EFCAB7: variants seen among roughly 807,000 people sequenced by gnomAD.
EFCAB7 encodes EF-hand calcium binding domain 7.
EFCAB7 carries 66 observed loss-of-function variants against 77.1 expected under a neutral mutation model. The observed-to-expected ratio is 0.86, with a 90% CI of 0.70 to 1.05. EFCAB7 has a LOEUF of 1.05. Ranked by LOEUF, EFCAB7 falls within the 50% of genes least tolerant of loss-of-function variation. The pLI is 0.00. For missense variants in EFCAB7, 638 were observed against 730.5 expected (o/e 0.87, Z 1.46); for synonymous variants, 225 against 243.3 (o/e 0.92, Z 0.70).
At position 63,532,650 on chromosome 1, in the gene EFCAB7, A is replaced by G. The variant is rs772042625; in HGVS notation, c.400-20A>G. On this transcript the variant is annotated intron_variant, in intron 3 of 13. Coordinates refer to ENST00000371088, the MANE Select transcript of EFCAB7 (RefSeq NM_032437.4). ...GAGTAATCATGTTGCTTTAAAATAA[A>G]TCTTGTTTTTTTTTTTCAGAGAGGT... The G allele has an allele frequency of 9.6e-6, 15 of 1,568,036 alleles. No individual in the cohort carries two copies. The African/African-American group carries it at 1.9e-4, about 20-fold the overall frequency.
chr1:63,584,195 A>T, the EFCAB7 span, among the ~76,000 whole-genome samples: 1 of 152,226 alleles, frequency 6.6e-6, no homozygotes, highest in African/African-American at 2.4e-5. Flanking sequence ...TAAAGCAAAC[A>T]GTGGAAGATG....
chr1:63,528,449 G>A (rs1311602365), intron 2 of EFCAB7, among the ~76,000 whole-genome samples: 1 of 151,990 alleles, frequency 6.6e-6, no homozygotes, highest in Admixed American at 6.6e-5. Flanking sequence ...GGTAGTGGGG[G>A]TAGGGGGAGA....
downstream of EFCAB7, among the ~76,000 whole-genome samples, chr1:63,575,232 T>A (rs560054637): frequency 1.3e-5 from 2 of 152,200 alleles, no homozygotes; most frequent in South Asian, 4.1e-4. Context: ...TATATATATA[T>A]GAGTCATGAC....
chr1:63,560,144 G>T lies in EFCAB7; in HGVS notation c.1349-1565G>T, dbSNP rs571192391. On this transcript the variant is annotated intron_variant, in intron 10 of 13. Transcript: ENST00000371088. ...ATTTTTTGTATTTTTAGTAGAGATG[G>T]GGTTTCACCATGTTAACCAGGATGG... 5.3e-5 allele frequency among the ~76,000 whole-genome samples: 8 copies of T among 152,048 alleles called. No individual in the cohort carries two copies. In the South Asian group the frequency reaches 1.7e-3, roughly 32 times the overall value.
downstream of EFCAB7, among the ~76,000 whole-genome samples, chr1:63,574,895 C>T (rs554101485): frequency 6.6e-6 from 1 of 151,966 alleles, no homozygotes; most frequent in African/African-American, 2.4e-5. Flanking sequence ...GGTAGTGGAG[C>T]GGGGCAGAAA....
chr1:63,526,461 A>C, intron 2 of EFCAB7, among the ~76,000 whole-genome samples: 1 of 152,176 alleles, frequency 6.6e-6, no homozygotes, highest in East Asian at 1.9e-4. Flanking sequence ...CCAATTTTAT[A>C]ATGAATTTTC....
chr1:63,575,303 CTT>C (rs919483642), downstream of EFCAB7, among the ~76,000 whole-genome samples: 1 of 151,324 alleles, frequency 6.6e-6, no homozygotes, highest in African/African-American at 2.4e-5. Context: ...TTGGGGTAGA[CTT>C]TTTTTTAAAA....
At chr1:63,571,000 T>C in intron 12 of EFCAB7, 21 bp from the exon 13 acceptor site, 2 of 1,532,010 alleles carry the variant, frequency 1.3e-6, no homozygotes, top group Non-Finnish European at 1.8e-6. Flanking sequence ...AATAGCAGCT[T>C]ATGAAATCTT....
In EFCAB7 at chr1:63,532,708, A is replaced by T. The variant is rs1406100064; in HGVS notation, c.438A>T (p.Ile146=). Residue 146 remains isoleucine (I), a synonymous_variant, in exon 4 of 14, where the codon ATA becomes ATT. Transcript: ENST00000371088. ...TGACTCGAGAAGAAGTAAATGCCAT[A>T]ATAAATTTGGCTGATGTAAATGCTG... ...EKMTREEVNA[I]INLADVNADG... 1 of 1,605,104 alleles carries T rather than the reference A, an allele frequency of 6.2e-7. No homozygotes were observed. The highest frequency in any genetic ancestry group is 8.5e-7 in the Non-Finnish European group (1 of 1,176,698).
the EFCAB7 span, among the ~76,000 whole-genome samples, chr1:63,583,749 A>G: frequency 6.6e-6 from 1 of 152,162 alleles, no homozygotes; most frequent in Admixed American, 6.5e-5. Context: ...GATTAAAACA[A>G]CAATAACAAA....
chr1:63,567,543 G>A (rs949070928), intron 11 of EFCAB7, among the ~76,000 whole-genome samples: 2 of 152,082 alleles, frequency 1.3e-5, no homozygotes, highest in Non-Finnish European at 2.9e-5. Context: ...AGGGAGATTG[G>A]GGGGCCAGAG....
intron 13 of EFCAB7, among the ~76,000 whole-genome samples, chr1:63,571,719 C>T (rs1647266229): frequency 7.1e-6 from 1 of 141,554 alleles, no homozygotes; most frequent in Admixed American, 7.0e-5. Context: ...GTTTTATGTA[C>T]TTCACAAAGT....
intron 11 of EFCAB7, among the ~76,000 whole-genome samples, chr1:63,562,813 T>C (rs1647125550): frequency 6.6e-6 from 1 of 152,056 alleles, no homozygotes; most frequent in Non-Finnish European, 1.5e-5. Flanking sequence ...TTGTTTATAC[T>C]CTTAAAATTA....
At chr1:63,552,327 C>T (rs1224745602) in intron 8 of EFCAB7, among the ~76,000 whole-genome samples, 1 of 152,114 alleles carries the variant, frequency 6.6e-6, no homozygotes, top group East Asian at 1.9e-4. Context: ...TTACTTTCAT[C>T]TTTTCTAAAT....
Position 63,545,956 on chromosome 1 carries a change from A to G in EFCAB7, c.845A>G (p.Glu282Gly). Reference sequence around the variant, plus strand: ...CAATCAAAAGGTTGCTTCTTCTTAGAAGAAGATGGTGAAATCATTAGTCAT... The same window carrying G: ...CAATCAAAAGGTTGCTTCTTCTTAGGAGAAGATGGTGAAATCATTAGTCAT... ...HMQSKGCFFL[E>G]EDGEIISHQY... The change falls in exon 7 of 14, where the codon GAA (glutamate) becomes GGA (glycine). Residue 282 changes from glutamate (E) to glycine (G), a missense_variant. Coordinates refer to ENST00000371088, the MANE Select transcript of EFCAB7 (RefSeq NM_032437.4). The G allele has an allele frequency of 6.2e-7, 1 of 1,613,868 alleles. No individual in the cohort carries two copies. Among genetic ancestry groups the G allele is most frequent in the Non-Finnish European group, 8.5e-7 (1 of 1,179,872 alleles).
chr1:63,582,467 TG>T, the EFCAB7 span, among the ~76,000 whole-genome samples: 1 of 152,256 alleles, frequency 6.6e-6, no homozygotes, highest in Non-Finnish European at 1.5e-5. Flanking sequence ...ATGAGAACCT[TG>T]CCCTTTTTGC....
At chr1:63,568,250 A>G in intron 11 of EFCAB7, 60 bp from the exon 12 acceptor site, 1 of 1,382,776 alleles carries the variant, frequency 7.2e-7, no homozygotes, top group South Asian at 1.3e-5. Flanking sequence ...ATGGTAACAT[A>G]TTAATAATTT....
intron 1 of EFCAB7, among the ~76,000 whole-genome samples, chr1:63,524,726 G>T (rs1646551333): frequency 6.6e-6 from 1 of 152,170 alleles, no homozygotes. Flanking sequence ...AGAAGAAACT[G>T]TTCGTGAAAT....
intron 6 of EFCAB7, among the ~76,000 whole-genome samples, chr1:63,544,314 G>A (rs1426706868): frequency 5.3e-5 from 8 of 152,076 alleles, no homozygotes; most frequent in African/African-American, 1.9e-4. Context: ...TATGAATTCA[G>A]ACAAGAAGGG....
Sources: allele counts gnomAD v4.1 joint callset (sites outside exome capture counted in the v4.1 genomes callset), GRCh38; gene constraint gnomAD v4.1.1; transcripts MANE v1.5; gene names NCBI Gene and HGNC (gene_info 2026-07-23, HGNC 2026-07-21).